The following PTBP3 variants were observed in gnomAD, a reference collection of about 807,000 sequenced individuals.
PTBP3 encodes polypyrimidine tract binding protein 3.
PTBP3 carries 20 observed loss-of-function variants against 58.7 expected under a neutral mutation model. The observed-to-expected ratio is 0.34, with a 90% CI of 0.24 to 0.50. The LOEUF is 0.50. Among genes scored for constraint, PTBP3 ranks in the 20% least tolerant of loss-of-function variants. The pLI is 0.98. For synonymous variants in PTBP3, 185 were observed against 219.8 expected, an observed-to-expected ratio of 0.84 and a Z score of 1.40; for missense variants, 509 against 637.2, an observed-to-expected ratio of 0.80 and a Z score of 2.17.
intron 2 of PTBP3, among the ~76,000 whole-genome samples, chr9:112,280,092 C>T (rs1827789892): frequency 6.6e-6 from 1 of 152,044 alleles, no homozygotes; most frequent in South Asian, 2.1e-4. Flanking sequence ...TGGAGTCTTG[C>T]TCTGTCACCC....
intron 4 of PTBP3, among the ~76,000 whole-genome samples, chr9:112,265,935 A>C (rs1003133869): frequency 6.6e-6 from 1 of 152,232 alleles, no homozygotes; most frequent in Non-Finnish European, 1.5e-5. Context: ...CAGAAGTATT[A>C]GAAGAAAACA....
chr9:112,226,129 A>C lies in PTBP3; in HGVS notation c.1364+1282T>G, dbSNP rs76635390. Among the ~76,000 whole-genome samples the C allele has an allele frequency of 6.5e-4, 99 of 152,102 alleles. 1 individual carries two copies. The East Asian group carries it at 0.018, about 28-fold the overall frequency. ...TATCTAATTGTTGTCCATTTACCCTACACTCCACAGTAATGAGCTGCTAAA... is the reference window on the plus strand; with the variant it reads ...TATCTAATTGTTGTCCATTTACCCTCCACTCCACAGTAATGAGCTGCTAAA... On this transcript the variant is annotated intron_variant, in intron 12 of 13. Transcript: ENST00000374257.
intron 7 of PTBP3, among the ~76,000 whole-genome samples, chr9:112,243,696 A>T (rs886728430): frequency 1.3e-5 from 2 of 152,248 alleles, no homozygotes; most frequent in African/African-American, 4.8e-5. Flanking sequence ...TATGAAATCA[A>T]GAGATAATAA....
At chr9:112,241,372 G>A (rs1835655230) in intron 7 of PTBP3, among the ~76,000 whole-genome samples, 1 of 152,152 alleles carries the variant, frequency 6.6e-6, no homozygotes, top group African/African-American at 2.4e-5. Flanking sequence ...CCAAAGTGCT[G>A]GGATTACAGG....
At chr9:112,372,644 T>C in the PTBP3 span, among the ~76,000 whole-genome samples, 1 of 152,220 alleles carries the variant, frequency 6.6e-6, no homozygotes, top group Non-Finnish European at 1.5e-5. Context: ...ACATTATTTA[T>C]AGAAATGGAA....
At chr9:112,363,052 C>A in the PTBP3 span, 2 of 179,602 alleles carry the variant, frequency 1.1e-5, no homozygotes, top group Admixed American at 1.2e-4. Flanking sequence ...ATGGAAAGGG[C>A]AGCCCAGCTG....
In PTBP3 at chr9:112,223,377, T is replaced by C; in HGVS notation, c.*474A>G. The C allele has an allele frequency of 1.0e-6, 1 of 963,968 alleles. No homozygotes were observed. The highest frequency in any genetic ancestry group is 1.2e-6 in the Non-Finnish European group (1 of 809,364). 59.7% of individuals were successfully genotyped at this position (963,968 alleles called of 1,614,324 possible). A position where few individuals can be genotyped will look rare whatever the true frequency, so the allele number is the denominator to read the frequency against. On this transcript the variant is annotated 3_prime_UTR_variant, in exon 14 of 14. Transcript: ENST00000374257. ...ATGTACTTTATATGTGAATATAATT[T>C]CCTACAAGGGTCAGACTTCTGATTC...
intron 7 of PTBP3, among the ~76,000 whole-genome samples, chr9:112,235,785 A>G (rs567866844): frequency 6.6e-6 from 1 of 152,230 alleles, no homozygotes; most frequent in Non-Finnish European, 1.5e-5. Context: ...AGAAGGCTAA[A>G]GATACAGCCT....
intron 10 of PTBP3, 120 bp downstream of exon 10, chr9:112,231,260 T>C: frequency 1.5e-6 from 1 of 683,158 alleles, no homozygotes; most frequent in East Asian, 3.0e-5. Flanking sequence ...ATTCACTGTT[T>C]TATCCTCAGT....
intron 4 of PTBP3, among the ~76,000 whole-genome samples, chr9:112,265,688 G>A (rs766616097): frequency 2.6e-5 from 4 of 152,130 alleles, no homozygotes; most frequent in African/African-American, 7.2e-5. Flanking sequence ...CAAGCAGAAC[G>A]TATAAGCATG....
intron 2 of PTBP3, among the ~76,000 whole-genome samples, chr9:112,291,868 G>C (rs1417940827): frequency 1.3e-5 from 2 of 152,048 alleles, no homozygotes; most frequent in African/African-American, 4.8e-5. Flanking sequence ...GAACAAATGG[G>C]GCTAATATCA....
At chr9:112,333,773 C>T, upstream of PTBP3, 2 of 282,568 alleles carry the variant, frequency 7.1e-6, no homozygotes, top group East Asian at 6.1e-5. Context: ...ACCCTCGCCC[C>T]GCTGGCAGCC....
intron 12 of PTBP3, among the ~76,000 whole-genome samples, chr9:112,225,588 T>C (rs1834954972): frequency 6.6e-6 from 1 of 152,236 alleles, no homozygotes; most frequent in African/African-American, 2.4e-5. Context: ...ATGTGTATTT[T>C]ATCACAGTTT....
the PTBP3 span, among the ~76,000 whole-genome samples, chr9:112,368,676 T>C: frequency 2.0e-5 from 3 of 152,196 alleles, no homozygotes; most frequent in Non-Finnish European, 2.9e-5. Context: ...CCCAAAGGGA[T>C]GGATTGGAGT....
intron 1 of PTBP3, among the ~76,000 whole-genome samples, chr9:112,312,503 A>G (rs1227540425): frequency 5.0e-5 from 4 of 79,470 alleles, no homozygotes; most frequent in Non-Finnish European, 1.0e-4. Context: ...TTTTTTTTAA[A>G]AAAAAAAAAA....
intron 3 of PTBP3, among the ~76,000 whole-genome samples, chr9:112,270,073 T>C (rs970937289): frequency 6.6e-6 from 1 of 151,934 alleles, no homozygotes; most frequent in Non-Finnish European, 1.5e-5. Flanking sequence ...GCCTCACAAG[T>C]GGCTGGGATT....
intron 1 of PTBP3, 89 bp from the exon 2 acceptor site, chr9:112,298,005 C>T: frequency 1.9e-6 from 2 of 1,073,164 alleles, no homozygotes; most frequent in Admixed American, 2.2e-5. Context: ...AATAATATTA[C>T]TTCATCTTTG....
chr9:112,229,718 C>T (rs1307962467), intron 10 of PTBP3, among the ~76,000 whole-genome samples: 1 of 151,978 alleles, frequency 6.6e-6, no homozygotes, highest in Non-Finnish European at 1.5e-5. Flanking sequence ...AAACATATAC[C>T]ATTTGTTTTG....
At chr9:112,241,292 TG>T (rs1224535584) in intron 7 of PTBP3, among the ~76,000 whole-genome samples, 1 of 152,064 alleles carries the variant, frequency 6.6e-6, no homozygotes, top group African/African-American at 2.4e-5. Flanking sequence ...TTAGTACAGA[TG>T]GGGTTTCATC....
Sources: allele counts gnomAD v4.1 joint callset (sites outside exome capture counted in the v4.1 genomes callset), GRCh38; gene constraint gnomAD v4.1.1; transcripts MANE v1.5; gene names NCBI Gene and HGNC (gene_info 2026-07-23, HGNC 2026-07-21).